KCNIP4: variants seen among roughly 807,000 people sequenced by gnomAD.
KCNIP4 encodes the protein potassium voltage-gated channel interacting protein 4.
A neutral mutation model predicts 34.0 loss-of-function variants in KCNIP4; 12 were observed. The ratio of observed to expected loss-of-function variants is 0.35; its 90% CI spans 0.23 to 0.57. The LOEUF (loss-of-function observed/expected upper bound fraction) is 0.57, where lower values mean the gene tolerates loss of function less well. Ranked by LOEUF, KCNIP4 falls within the 20% of genes least tolerant of loss-of-function variation. The probability of loss-of-function intolerance (pLI) is 0.83; values close to 1 mark genes in which losing one functional copy is unlikely to be tolerated. For missense variants in KCNIP4, 238 were observed against 311.7 expected, an observed-to-expected ratio of 0.76 and a Z score of 1.78; for synonymous variants, 124 against 102.2, an observed-to-expected ratio of 1.21 and a Z score of -1.29.
At position 21,370,838 on chromosome 4, in the gene KCNIP4, TATATATATATATAC is replaced by T. The variant is rs1255024826; in HGVS notation, c.62-488143_62-488130del. ...ATATATATATATATATATATATATA[TATATATATATATAC>T]ACACACACACACACACACACACACA... is the stretch of plus-strand genomic sequence containing the variant. On this transcript the variant is annotated intron_variant, in intron 1 of 8. Coordinates refer to ENST00000382152, the MANE Select transcript of KCNIP4 (RefSeq NM_025221.6). Among the ~76,000 whole-genome samples the T allele has an allele frequency of 2.2e-3, 67 of 30,782 alleles. 1 individual carries two copies. The highest frequency in any genetic ancestry group is 0.017 in the Middle Eastern group (1 of 58). 20.2% of individuals were successfully genotyped at this position (30,782 alleles called of 152,430 possible). A position where few individuals can be genotyped will look rare whatever the true frequency, so the allele number is the denominator to read the frequency against.
At chr4:20,970,826 A>G (rs1734861502) in intron 1 of KCNIP4, among the ~76,000 whole-genome samples, 1 of 152,196 alleles carries the variant, frequency 6.6e-6, no homozygotes, top group Admixed American at 6.5e-5. Flanking sequence ...TTGCCTGTCC[A>G]TGATCTACCT....
chr4:21,792,404 G>A (rs890293922), intron 1 of KCNIP4, among the ~76,000 whole-genome samples: 13 of 152,144 alleles, frequency 8.5e-5, no homozygotes, highest in African/African-American at 3.1e-4. Context: ...TATAGATTTT[G>A]AAGTGTGTGC....
chr4:21,539,597 A>G (rs909470407), intron 1 of KCNIP4, among the ~76,000 whole-genome samples: 3 of 152,192 alleles, frequency 2.0e-5, no homozygotes, highest in Admixed American at 6.5e-5. Flanking sequence ...GGATCACTGA[A>G]ATAGTCATGT....
Position 20,793,676 on chromosome 4 carries a change from CTTA to C in KCNIP4, c.289-34789_289-34787del. 2.0e-5 allele frequency among the ~76,000 whole-genome samples: 3 copies of C among 152,140 alleles called. No homozygotes were observed. In the South Asian group the frequency reaches 6.2e-4, roughly 32 times the overall value. ...TACATTTATGGTGTACTTGATTTCT[CTTA>C]TTATTACATTGTAATATATAATGAA... On this transcript the variant is annotated intron_variant, in intron 3 of 8. Coordinates refer to ENST00000382152, the MANE Select transcript of KCNIP4 (RefSeq NM_025221.6).
chr4:21,439,027 C>T (rs1022755514), intron 1 of KCNIP4, among the ~76,000 whole-genome samples: 11 of 151,924 alleles, frequency 7.2e-5, no homozygotes, highest in South Asian at 4.2e-4. Context: ...CCGGGCGTGG[C>T]GGCGGGCGCC....
At chr4:20,917,025 AT>A (rs1728909363) in intron 1 of KCNIP4, among the ~76,000 whole-genome samples, 1 of 43,866 alleles carries the variant, frequency 2.3e-5, no homozygotes, top group African/African-American at 8.8e-5. Context: ...ATATATATAT[AT>A]ATATATATAT....
intron 1 of KCNIP4, among the ~76,000 whole-genome samples, chr4:20,884,888 A>G (rs536522804): frequency 3.9e-5 from 6 of 152,078 alleles, no homozygotes; most frequent in African/African-American, 7.2e-5. Context: ...TTTAGTAGAG[A>G]CAGGGCTTTG....
At chr4:21,845,837 G>A (rs1029094611) in intron 1 of KCNIP4, 5 of 151,952 alleles carry the variant, frequency 3.3e-5, no homozygotes, top group African/African-American at 1.2e-4. Flanking sequence ...CTTAGTAGCT[G>A]GATTGGCTAA....
intron 1 of KCNIP4, among the ~76,000 whole-genome samples, chr4:21,482,266 A>G (rs1462878706): frequency 6.6e-6 from 1 of 152,038 alleles, no homozygotes; most frequent in African/African-American, 2.4e-5. Context: ...TCTTTATCCA[A>G]TTTGCCAGTC....
chr4:21,574,166 G>C lies in KCNIP4; in HGVS notation c.61+374405C>G, dbSNP rs374457935. ...TTGTTAATGAACACAAGAGAACCAT[G>C]CATCTTACAAATGGTGGTGTCTTAG... On this transcript the variant is annotated intron_variant, in intron 1 of 8. Coordinates refer to ENST00000382152, the MANE Select transcript of KCNIP4 (RefSeq NM_025221.6). Among the ~76,000 whole-genome samples, 256 of 152,202 alleles carry C rather than the reference G, an allele frequency of 1.7e-3. 10 individuals carry two copies. The South Asian group carries it at 0.047, about 28-fold the overall frequency.
At chr4:21,509,181 GAAAT>G (rs1734100054) in intron 1 of KCNIP4, among the ~76,000 whole-genome samples, 1 of 152,160 alleles carries the variant, frequency 6.6e-6, no homozygotes, top group Non-Finnish European at 1.5e-5. Flanking sequence ...GGAAGGAATA[GAAAT>G]AGATAGTGAT....
At chr4:21,562,124 G>T (rs1313945820) in intron 1 of KCNIP4, among the ~76,000 whole-genome samples, 1 of 151,618 alleles carries the variant, frequency 6.6e-6, no homozygotes, top group East Asian at 1.9e-4. Context: ...GCCTTCTTCT[G>T]CCCTTTTTAG....
intron 1 of KCNIP4, among the ~76,000 whole-genome samples, chr4:21,587,222 T>C (rs1445264926): frequency 6.6e-6 from 1 of 152,062 alleles, no homozygotes; most frequent in Non-Finnish European, 1.5e-5. Flanking sequence ...CACTATTGGG[T>C]ATAAGTAACT....
intron 1 of KCNIP4, among the ~76,000 whole-genome samples, chr4:21,267,880 G>A: frequency 1.3e-5 from 2 of 151,018 alleles, no homozygotes. Context: ...AGTTAGGGAG[G>A]ATTCCCTCTT....
intron 1 of KCNIP4, among the ~76,000 whole-genome samples, chr4:21,645,705 T>C (rs975474304): frequency 6.6e-6 from 1 of 152,036 alleles, no homozygotes; most frequent in East Asian, 1.9e-4. Flanking sequence ...AAACCTATAC[T>C]CCACAATTTC....
intron 1 of KCNIP4, among the ~76,000 whole-genome samples, chr4:21,590,853 G>A (rs948185336): frequency 6.6e-6 from 1 of 151,826 alleles, no homozygotes; most frequent in African/African-American, 2.4e-5. Flanking sequence ...TTAAAATTAG[G>A]TCTTATAATT....
At chr4:21,437,047 C>T (rs1727001010) in intron 1 of KCNIP4, among the ~76,000 whole-genome samples, 1 of 152,168 alleles carries the variant, frequency 6.6e-6, no homozygotes, top group Non-Finnish European at 1.5e-5. Context: ...CAGCTATATC[C>T]CATCAAGGTG....
intron 1 of KCNIP4, among the ~76,000 whole-genome samples, chr4:21,604,970 T>G (rs189597684): frequency 6.6e-6 from 1 of 152,216 alleles, no homozygotes; most frequent in African/African-American, 2.4e-5. Flanking sequence ...ACAGTTAGTC[T>G]AGTGAAAGTG....
chr4:21,188,795 T>C (rs1428581986), intron 1 of KCNIP4, among the ~76,000 whole-genome samples: 1 of 152,222 alleles, frequency 6.6e-6, no homozygotes, highest in Non-Finnish European at 1.5e-5. Context: ...TACAAGTATT[T>C]GTTTAAGGTC....
Sources: gnomAD v4.1 joint callset for allele counts (sites outside exome capture counted in the v4.1 genomes callset) on GRCh38, gnomAD v4.1.1 for gene constraint, MANE v1.5 for transcripts, NCBI Gene and HGNC (gene_info 2026-07-23, HGNC 2026-07-21) for gene names.